PRKCB: variants seen among roughly 807,000 people sequenced by gnomAD.
PRKCB encodes protein kinase C beta type.
A neutral mutation model predicts 81.5 loss-of-function variants in PRKCB; 13 were observed. That is an observed-to-expected ratio of 0.16 (90% confidence interval 0.10 to 0.25). The LOEUF (loss-of-function observed/expected upper bound fraction) is 0.25, where lower values mean the gene tolerates loss of function less well. Among genes scored for constraint, PRKCB ranks in the 10% least tolerant of loss-of-function variants. PRKCB has a pLI of 1.00. For synonymous variants in PRKCB, 335 were observed against 321.4 expected (o/e 1.04, Z -0.45); for missense variants, 509 against 875.7 (o/e 0.58, Z 5.29).
At chr16:23,837,427 GA>G (rs1962183500) in intron 2 of PRKCB, 21 bp downstream of exon 2, 2 of 1,604,270 alleles carry the variant, frequency 1.2e-6, no homozygotes, top group African/African-American at 2.7e-5. Flanking sequence ...GGGCTTTGGG[GA>G]TGCTATTTGT....
At chr16:24,079,430 AGCCCC>A (rs1037437829) in intron 5 of PRKCB, among the ~76,000 whole-genome samples, 1 of 152,234 alleles carries the variant, frequency 6.6e-6, no homozygotes, top group African/African-American at 2.4e-5. Flanking sequence ...GCACAAGACC[AGCCCC>A]CCTTTTACAC....
chr16:24,215,129 C>T lies in PRKCB; in HGVS notation c.*313C>T. ...GAGAAAATGCCTGCTTTCTTTCCCT[C>T]TTTTTCTGCACTGCCATATTCACCC... On this transcript the variant is annotated 3_prime_UTR_variant, in exon 17 of 17. Coordinates refer to ENST00000643927, the MANE Select transcript of PRKCB (RefSeq NM_002738.7). 4 of 1,093,378 alleles carry T rather than the reference C, an allele frequency of 3.7e-6. No homozygotes were observed. The highest frequency in any genetic ancestry group is 4.5e-6 in the Non-Finnish European group (4 of 894,452). 67.7% of individuals were successfully genotyped at this position (1,093,378 alleles called of 1,614,324 possible).
chr16:23,953,291 G>A (rs142629898), intron 2 of PRKCB, among the ~76,000 whole-genome samples: 1 of 152,060 alleles, frequency 6.6e-6, no homozygotes, highest in South Asian at 2.1e-4. Flanking sequence ...TATTGACTTC[G>A]GGGCTGACAT....
intron 3 of PRKCB, among the ~76,000 whole-genome samples, chr16:24,029,341 A>G (rs774101280): frequency 6.6e-5 from 10 of 152,316 alleles, no homozygotes; most frequent in Non-Finnish European, 1.0e-4. Context: ...AGTTTCCCCC[A>G]TGCTGTTCTC....
At position 24,061,906 on chromosome 16, in the gene PRKCB, T is replaced by TAAAA. The variant is rs766717237; in HGVS notation, c.529+26362_529+26363insAAAA. The stretch of plus-strand genomic sequence containing the variant: ...TCCCCCACTCCCCCTGCACCTTAAA[T>TAAAA]AAATAAAAAAAAAAAAAAAAAAAAA... On this transcript the variant is annotated intron_variant, in intron 5 of 16. Transcript: ENST00000643927. Among the ~76,000 whole-genome samples, 22 of 46,066 alleles carry TAAAA rather than the reference T, an allele frequency of 4.8e-4. 1 individual carries two copies. The highest frequency in any genetic ancestry group is 0.011 in the Middle Eastern group (1 of 90). 30.2% of individuals were successfully genotyped at this position (46,066 alleles called of 152,430 possible).
intron 10 of PRKCB, among the ~76,000 whole-genome samples, chr16:24,165,274 CA>C (rs1201576667): frequency 1.3e-5 from 2 of 152,178 alleles, no homozygotes; most frequent in Non-Finnish European, 2.9e-5. Context: ...CTTCTGGGCT[CA>C]AAAGCAATCC....
At chr16:23,973,924 G>T (rs1313487283) in intron 2 of PRKCB, among the ~76,000 whole-genome samples, 1 of 152,124 alleles carries the variant, frequency 6.6e-6, no homozygotes, top group African/African-American at 2.4e-5. Flanking sequence ...ACCTTTCTTG[G>T]CCTCCCAAAG....
At chr16:24,037,159 T>C (rs935540087) in intron 5 of PRKCB, among the ~76,000 whole-genome samples, 1 of 152,090 alleles carries the variant, frequency 6.6e-6, no homozygotes, top group Non-Finnish European at 1.5e-5. Context: ...TGGCTAATAT[T>C]TGTATTTTTA....
chr16:23,871,460 A>T (rs533062319), intron 2 of PRKCB, among the ~76,000 whole-genome samples: 1 of 152,190 alleles, frequency 6.6e-6, no homozygotes, highest in South Asian at 2.1e-4. Context: ...TCTCTTCCCC[A>T]GGATCATGGC....
At chr16:24,082,982 T>G (rs773148852) in intron 5 of PRKCB, among the ~76,000 whole-genome samples, 4 of 152,214 alleles carry the variant, frequency 2.6e-5, no homozygotes, top group Admixed American at 1.3e-4. Context: ...ACTCTCAGAC[T>G]CATTTGTATG....
chr16:24,143,440 A>C (rs1177584469), intron 9 of PRKCB, among the ~76,000 whole-genome samples: 1 of 151,954 alleles, frequency 6.6e-6, no homozygotes, highest in Admixed American at 6.6e-5. Flanking sequence ...CCGAGATAGG[A>C]TCTTAAGACA....
intron 2 of PRKCB, among the ~76,000 whole-genome samples, chr16:23,897,754 A>G (rs1267042774): frequency 2.0e-5 from 3 of 152,130 alleles, no homozygotes; most frequent in Admixed American, 6.5e-5. Context: ...TCAACACTCT[A>G]TATATCTTTA....
chr16:24,108,716 G>C (rs1241904936), intron 7 of PRKCB, among the ~76,000 whole-genome samples: 2 of 150,610 alleles, frequency 1.3e-5, no homozygotes, highest in African/African-American at 4.9e-5. Context: ...ATTTTTCTTA[G>C]TACAGAACAA....
At chr16:24,192,794 A>C (rs1297649898) in intron 16 of PRKCB, among the ~76,000 whole-genome samples, 2 of 152,146 alleles carry the variant, frequency 1.3e-5, no homozygotes, top group Non-Finnish European at 2.9e-5. Flanking sequence ...AGACCTCCTG[A>C]ATCAGACACT....
At chr16:24,020,974 CTT>C (rs67736685) in intron 3 of PRKCB, among the ~76,000 whole-genome samples, 14,719 of 92,186 alleles carry the variant, frequency 0.16, 1,053 homozygotes, top group East Asian at 0.19. Context: ...AGAGACTTTT[CTT>C]TTTCTTTCTT....
At chr16:24,096,665 AAATATATAT>A (rs1228557425) in intron 7 of PRKCB, among the ~76,000 whole-genome samples, 11 of 39,288 alleles carry the variant, frequency 2.8e-4, no homozygotes, top group South Asian at 8.1e-4. Flanking sequence ...AAAAAAAAAA[AAATATATAT>A]ATATATATAT....
chr16:23,894,369 C>T (rs1963339604), intron 2 of PRKCB, among the ~76,000 whole-genome samples: 1 of 152,172 alleles, frequency 6.6e-6, no homozygotes, highest in Non-Finnish European at 1.5e-5. Flanking sequence ...ATGGGAGTTT[C>T]TGGGTCAAAA....
intron 7 of PRKCB, among the ~76,000 whole-genome samples, chr16:24,106,601 A>G (rs1966582311): frequency 6.6e-6 from 1 of 152,190 alleles, no homozygotes; most frequent in South Asian, 2.1e-4. Flanking sequence ...GGAATTGATG[A>G]CTTTAAGCAT....
chr16:24,158,541 A>ATATGTATAAGTATAT (rs1567395933), intron 10 of PRKCB, among the ~76,000 whole-genome samples: 1,833 of 105,634 alleles, frequency 0.017, 21 homozygotes, highest in South Asian at 0.066. Context: ...TATATGTATA[A>ATATGTATAAGTATAT]GTATATGTAT....
Sources: gnomAD v4.1 joint callset for allele counts (sites outside exome capture counted in the v4.1 genomes callset) on GRCh38, gnomAD v4.1.1 for gene constraint, MANE v1.5 for transcripts, NCBI Gene and HGNC (gene_info 2026-07-23, HGNC 2026-07-21) for gene names.